The following TNFSF4 variants were observed in gnomAD, a reference collection of about 807,000 sequenced individuals.
TNFSF4 encodes TNF superfamily member 4.
TNFSF4 carries 4 observed loss-of-function variants against 7.3 expected under a neutral mutation model. That is an observed-to-expected ratio of 0.55 (90% confidence interval 0.27 to 1.25). TNFSF4 has a LOEUF of 1.25. Ranked by LOEUF, TNFSF4 falls within the 50% of genes most tolerant of loss-of-function variation. The probability of loss-of-function intolerance (pLI) is 0.12; values close to 1 mark genes in which losing one functional copy is unlikely to be tolerated. For missense variants in TNFSF4, 181 were observed against 208.8 expected (o/e 0.87, Z 0.82); for synonymous variants, 76 against 83.7 (o/e 0.91, Z 0.50).
the TNFSF4 span, among the ~76,000 whole-genome samples, chr1:173,354,988 G>T: frequency 6.6e-6 from 1 of 152,176 alleles, no homozygotes; most frequent in Non-Finnish European, 1.5e-5. Flanking sequence ...GTCCCACACA[G>T]GTCTCACTGG....
chr1:173,423,894 C>T, the TNFSF4 span, among the ~76,000 whole-genome samples: 4 of 152,112 alleles, frequency 2.6e-5, no homozygotes, highest in Non-Finnish European at 5.9e-5. Flanking sequence ...GCTGGGAAAT[C>T]CAAGATCAAG....
downstream of TNFSF4, among the ~76,000 whole-genome samples, chr1:173,179,118 C>G (rs891216865): frequency 6.6e-6 from 1 of 152,182 alleles, no homozygotes; most frequent in Non-Finnish European, 1.5e-5. Context: ...TCAGAACTCT[C>G]AGAGAATAAA....
At chr1:173,232,613 G>C in the TNFSF4 span, among the ~76,000 whole-genome samples, 1 of 152,106 alleles carries the variant, frequency 6.6e-6, no homozygotes, top group Non-Finnish European at 1.5e-5. Flanking sequence ...GTTTGCCATA[G>C]ATAGCTATTA....
At chr1:173,411,231 C>G in the TNFSF4 span, among the ~76,000 whole-genome samples, 2 of 152,202 alleles carry the variant, frequency 1.3e-5, no homozygotes, top group African/African-American at 4.8e-5. Context: ...ATCACCAGCA[C>G]CCCTCAGGTC....
chr1:173,419,211 G>T, the TNFSF4 span, among the ~76,000 whole-genome samples: 2 of 152,006 alleles, frequency 1.3e-5, no homozygotes, highest in East Asian at 3.9e-4. Context: ...GTGTGGTGGC[G>T]GGCACCTGTA....
At chr1:173,402,587 G>T in the TNFSF4 span, among the ~76,000 whole-genome samples, 1 of 152,154 alleles carries the variant, frequency 6.6e-6, no homozygotes, top group Non-Finnish European at 1.5e-5. Flanking sequence ...CTGGAAAAGG[G>T]GTACAAATCT....
At chr1:173,443,463 T>C in the TNFSF4 span, among the ~76,000 whole-genome samples, 7 of 152,308 alleles carry the variant, frequency 4.6e-5, no homozygotes, top group East Asian at 3.9e-4. Context: ...AAAATATTTC[T>C]ATATTTGATA....
the TNFSF4 span, among the ~76,000 whole-genome samples, chr1:173,345,264 A>G: frequency 1.3e-5 from 2 of 152,258 alleles, no homozygotes; most frequent in Non-Finnish European, 2.9e-5. Flanking sequence ...GGACAGACGA[A>G]GAAGTTTTCT....
chr1:173,283,554 G>C, the TNFSF4 span, among the ~76,000 whole-genome samples: 168 of 152,168 alleles, frequency 1.1e-3, no homozygotes, highest in Non-Finnish European at 1.6e-3. Context: ...TCAATCTATG[G>C]TCAGCCAAGA....
the TNFSF4 span, among the ~76,000 whole-genome samples, chr1:173,344,889 CAA>C: frequency 4.6e-5 from 7 of 152,170 alleles, no homozygotes; most frequent in African/African-American, 1.7e-4. Flanking sequence ...GAATCATTGG[CAA>C]AGTCATCTAT....
the TNFSF4 span, among the ~76,000 whole-genome samples, chr1:173,176,344 G>T: frequency 7.9e-5 from 12 of 152,128 alleles, no homozygotes; most frequent in African/African-American, 2.9e-4. Context: ...TTATTAATGA[G>T]GATACTCTAT....
chr1:173,257,192 T>C, the TNFSF4 span, among the ~76,000 whole-genome samples: 4 of 152,254 alleles, frequency 2.6e-5, no homozygotes, highest in Admixed American at 2.6e-4. Context: ...AAACAACACC[T>C]ATGCACTGAT....
chr1:173,401,797 G>T, the TNFSF4 span, among the ~76,000 whole-genome samples: 1 of 152,002 alleles, frequency 6.6e-6, no homozygotes, highest in Non-Finnish European at 1.5e-5. Context: ...ATACATATAT[G>T]TCTGGAGAAC....
At chr1:173,391,306 T>TTCTCTCTC in the TNFSF4 span, among the ~76,000 whole-genome samples, 1 of 58,090 alleles carries the variant, frequency 1.7e-5, no homozygotes, top group Admixed American at 2.0e-4. Flanking sequence ...TTCTCTTTCT[T>TTCTCTCTC]TCTGTCTCTC....
At chr1:173,399,956 C>T in the TNFSF4 span, among the ~76,000 whole-genome samples, 1 of 152,216 alleles carries the variant, frequency 6.6e-6, no homozygotes, top group East Asian at 1.9e-4. Flanking sequence ...TGGTAGCAGA[C>T]TGATTACACT....
the TNFSF4 span, among the ~76,000 whole-genome samples, chr1:173,325,595 T>C: frequency 6.6e-6 from 1 of 151,894 alleles, no homozygotes; most frequent in African/African-American, 2.4e-5. Context: ...TTTGAAAAGA[T>C]CAACAAAATT....
At chr1:173,379,380 C>T in the TNFSF4 span, among the ~76,000 whole-genome samples, 1 of 152,222 alleles carries the variant, frequency 6.6e-6, no homozygotes, top group South Asian at 2.1e-4. Flanking sequence ...TGATTTAAAG[C>T]AGATCAAGCA....
the TNFSF4 span, among the ~76,000 whole-genome samples, chr1:173,427,951 ATC>A: frequency 9.6e-5 from 10 of 104,284 alleles, no homozygotes; most frequent in African/African-American, 3.9e-4. Flanking sequence ...CTCCATTATA[ATC>A]TTTTTTTTTT....
At chr1:173,284,670 C>T in the TNFSF4 span, among the ~76,000 whole-genome samples, 2 of 152,102 alleles carry the variant, frequency 1.3e-5, no homozygotes, top group African/African-American at 4.8e-5. Flanking sequence ...TTCTGAAAAT[C>T]CTAGGGCCCT....
Sources: gnomAD v4.1 joint callset for allele counts (sites outside exome capture counted in the v4.1 genomes callset) on GRCh38, gnomAD v4.1.1 for gene constraint, MANE v1.5 for transcripts, NCBI Gene and HGNC (gene_info 2026-07-23, HGNC 2026-07-21) for gene names.